The following DNAH17 variants were observed in gnomAD, a reference collection of about 807,000 sequenced individuals.
DNAH17 encodes dynein axonemal heavy chain 17.
DNAH17 carries 376 observed loss-of-function variants against 485.6 expected under a neutral mutation model. The ratio of observed to expected loss-of-function variants is 0.77; its 90% CI spans 0.71 to 0.84. DNAH17 has a LOEUF of 0.84. Among genes scored for constraint, DNAH17 ranks in the 40% least tolerant of loss-of-function variants. The probability of loss-of-function intolerance (pLI) is 0.00; values close to 1 mark genes in which losing one functional copy is unlikely to be tolerated. For synonymous variants in DNAH17, 3,031 were observed against 2,405.9 expected (o/e 1.26, Z -7.60); for missense variants, 6,370 against 5,839.3 (o/e 1.09, Z -2.96).
At chr17:78,451,439 C>A in intron 66 of DNAH17, 30 bp downstream of exon 66, 1 of 1,584,422 alleles carries the variant, frequency 6.3e-7, no homozygotes, top group South Asian at 1.2e-5. Flanking sequence ...ACGGCACCTC[C>A]TCCCGTGTGA....
At chr17:78,535,266 C>G (rs530883770) in intron 19 of DNAH17, among the ~76,000 whole-genome samples, 1 of 152,326 alleles carries the variant, frequency 6.6e-6, no homozygotes, top group South Asian at 2.1e-4. Flanking sequence ...AACCTAGCGT[C>G]TGCATAACTG....
In DNAH17 at chr17:78,466,748, G is replaced by A; in HGVS notation, c.8847C>T (p.Val2949=). The A allele has an allele frequency of 1.2e-6, 2 of 1,612,512 alleles. No homozygotes were observed. Among genetic ancestry groups the A allele is most frequent in the Non-Finnish European group, 1.7e-6 (2 of 1,179,396 alleles). ...GGAACCAGTCGATGGCCGTGCAGTTGACCACAGCTGGGAACTTTCTGGCTC... is the reference window on the plus strand; with the variant it reads ...GGAACCAGTCGATGGCCGTGCAGTTAACCACAGCTGGGAACTTTCTGGCTC... The part of the protein sequence containing the change: ...RVRARKFPAV[V]NCTAIDWFHE... The change falls in exon 56 of 81, where the codon GTC becomes GTT. Residue 2949 remains valine, a synonymous_variant. Coordinates refer to ENST00000389840, the MANE Select transcript of DNAH17 (RefSeq NM_173628.4).
intron 25 of DNAH17, among the ~76,000 whole-genome samples, chr17:78,523,814 CAGG>C (rs2090994907): frequency 6.6e-6 from 1 of 152,246 alleles, no homozygotes; most frequent in Non-Finnish European, 1.5e-5. Context: ...GGCTGAGAGG[CAGG>C]AGGATTGCTC....
chr17:78,521,197 T>C (rs1364105558), intron 25 of DNAH17, among the ~76,000 whole-genome samples: 2 of 152,044 alleles, frequency 1.3e-5, no homozygotes, highest in African/African-American at 4.8e-5. Flanking sequence ...CTTGAGGTCA[T>C]GAGTTCAAGA....
chr17:78,539,055 C>A (rs868375735), intron 18 of DNAH17, among the ~76,000 whole-genome samples: 4 of 151,954 alleles, frequency 2.6e-5, no homozygotes, highest in African/African-American at 9.7e-5. Flanking sequence ...AGATGGTGAA[C>A]CCTTGCCTCT....
chr17:78,494,468 G>A lies in DNAH17; in HGVS notation c.6270+125C>T, dbSNP rs1476670086. On this transcript the variant is annotated intron_variant, in intron 40 of 80. Transcript: ENST00000389840. Reference sequence around the variant, plus strand: ...GCCACGGAGGCAGCTGTGGCTCAGAGGTCTCTTTGTAGCATCGGGAAACGT... The same window carrying A: ...GCCACGGAGGCAGCTGTGGCTCAGAAGTCTCTTTGTAGCATCGGGAAACGT... 17 of 1,145,662 alleles carry A rather than the reference G, an allele frequency of 1.5e-5. No individual in the cohort carries two copies. The Admixed American group carries it at 3.9e-4, about 26-fold the overall frequency. The allele number at this position is 1,145,662 out of a possible 1,614,324, so 71.0% of individuals were successfully genotyped here. A position where few individuals can be genotyped will look rare whatever the true frequency, so the allele number is the denominator to read the frequency against.
chr17:78,565,208 T>TG (rs1755724999), intron 11 of DNAH17, among the ~76,000 whole-genome samples: 2 of 152,338 alleles, frequency 1.3e-5, no homozygotes, highest in African/African-American at 4.8e-5. Flanking sequence ...CTGTATCTAT[T>TG]GAGATGGTAT....
Position 78,526,712 on chromosome 17 carries a change from C to G in DNAH17, c.3650G>C (p.Arg1217Thr), listed in dbSNP as rs146570590. 9.9e-5 allele frequency: 159 copies of G among 1,610,696 alleles called. No homozygotes were observed. The African/African-American group carries it at 1.5e-3, about 15-fold the overall frequency. ...FELKQHEFRE[R>T]FRREAPFSFS... ...GGAGAACGGGGCCTCGCGCCTGAAC[C>G]TCTCCCTGAACTCATGTTGCTTGAG... Residue 1217 changes from arginine (R) to threonine (T), a missense_variant, in exon 24 of 81, where the codon AGG becomes ACG. Physicochemically the swap from Arg to Thr is moderately conservative, Grantham distance 71. Coordinates refer to ENST00000389840, the MANE Select transcript of DNAH17 (RefSeq NM_173628.4).
chr17:78,440,966 T>A (rs2087051661), intron 72 of DNAH17, 85 bp downstream of exon 72: 7 of 1,500,066 alleles, frequency 4.7e-6, no homozygotes, highest in Admixed American at 2.0e-5. Context: ...TGGTGTCTCA[T>A]GTGCTTTTGG....
chr17:78,486,368 G>C lies in DNAH17; in HGVS notation c.6957C>G (p.Ile2319Met), dbSNP rs761415811. ...GGTACAGAATCGTTTGGATCACCGT[G>C]ATCTCCGGCACTGGCGTGATCTTCT... is the stretch of plus-strand genomic sequence containing the variant. ...GFKKITPVPE[I>M]TVIQTILYLL... The change falls in exon 45 of 81, where the codon ATC becomes ATG. Residue 2319 changes from isoleucine to methionine, a missense_variant. By Grantham distance (10) the Ile-to-Met change is conservative. Transcript: ENST00000389840. The C allele has an allele frequency of 1.5e-5, 25 of 1,613,896 alleles. No individual in the cohort carries two copies. Among genetic ancestry groups the C allele is most frequent in the South Asian group, 6.6e-5 (6 of 91,082 alleles).
chr17:78,432,944 T>C (rs691362), intron 75 of DNAH17, among the ~76,000 whole-genome samples: 24,131 of 112,650 alleles, frequency 0.21, 2,161 homozygotes, highest in Middle Eastern at 0.33. Flanking sequence ...TTTCTCACCA[T>C]GTCACATCCA....
Position 78,425,386 on chromosome 17 carries a change from A to G in DNAH17, c.13101T>C (p.Pro4367=), listed in dbSNP as rs36119275. 265,023 of 1,613,646 alleles carry G rather than the reference A, an allele frequency of 0.16. 23,050 individuals are homozygous for G. Among genetic ancestry groups the G allele is most frequent in the African/African-American group, 0.23 (17,383 of 74,914 alleles). ...TKKNREDMTA[P]PREGSYVYGL... The stretch of plus-strand genomic sequence containing the variant: ...CGTACACGTAGGAGCCCTCTCGCGG[A>G]GGAGCGGTCATGTCCTCTCGGTTTT... The change falls in exon 80 of 81, where the codon CCT becomes CCC. Residue 4367 remains proline, a synonymous_variant. Coordinates refer to ENST00000389840, the MANE Select transcript of DNAH17 (RefSeq NM_173628.4).
chr17:78,504,100 CTA>C (rs2090402480), intron 31 of DNAH17, among the ~76,000 whole-genome samples: 4 of 151,340 alleles, frequency 2.6e-5, no homozygotes, highest in Admixed American at 2.6e-4. Context: ...AAGTCTCACT[CTA>C]TTACCCAGAC....
At chr17:78,532,777 G>A (rs368903921) in intron 19 of DNAH17, 41 bp from the exon 20 acceptor site, 3 of 1,535,876 alleles carry the variant, frequency 2.0e-6, no homozygotes, top group African/African-American at 1.4e-5. Context: ...GAGGTATGTT[G>A]CCTGGTTCAT....
At chr17:78,502,842 T>G in intron 32 of DNAH17, 44 bp downstream of exon 32, 1 of 1,603,582 alleles carries the variant, frequency 6.2e-7, no homozygotes, top group Non-Finnish European at 8.5e-7. Context: ...ACTCGCCCCT[T>G]ATCTCAGCCA....
rs2091932638 is a variant in DNAH17 at position 78,552,786 on chromosome 17, G to A, written c.2198C>T (p.Ala733Val). ...TGACTTTATTAGTAGAAATTCTACT[G>A]CCTTCACTATAGTCTTTATCTGAAA... ...WYNEIKTIVKAVEFLLIKSEL... is the reference protein window; with the variant it reads ...WYNEIKTIVKVVEFLLIKSEL... Residue 733 changes from alanine (A) to valine (V), a missense_variant, in exon 15 of 81, where the codon GCA becomes GTA. Transcript: ENST00000389840. 1.2e-6 allele frequency: 2 copies of A among 1,610,190 alleles called. No individual in the cohort carries two copies. The highest frequency in any genetic ancestry group is 1.3e-5 in the African/African-American group (1 of 74,962).
At chr17:78,501,997 C>T (rs1432606180) in intron 33 of DNAH17, 124 bp from the exon 34 acceptor site, 2 of 1,409,568 alleles carry the variant, frequency 1.4e-6, no homozygotes, top group Non-Finnish European at 1.9e-6. Context: ...TAATGAAAAA[C>T]AAGAGCGCCC....
Position 78,466,936 on chromosome 17 carries a change from G to T in DNAH17, c.8779-120C>A, listed in dbSNP as rs2088497262. 8.5e-6 allele frequency: 9 copies of T among 1,062,038 alleles called. No individual in the cohort carries two copies. The East Asian group carries it at 1.2e-4, about 14-fold the overall frequency. The allele number at this position is 1,062,038 out of a possible 1,614,324, so 65.8% of individuals were successfully genotyped here. A position where few individuals can be genotyped will look rare whatever the true frequency, so the allele number is the denominator to read the frequency against. Reference sequence around the variant, plus strand: ...GCCCTGCCGGGCTCAGCCGCCCAGGGCCTGGGCAGCACAGTCCTGGTTCTG... The same window carrying T: ...GCCCTGCCGGGCTCAGCCGCCCAGGTCCTGGGCAGCACAGTCCTGGTTCTG... On this transcript the variant is annotated intron_variant, in intron 55 of 80. Coordinates refer to ENST00000389840, the MANE Select transcript of DNAH17 (RefSeq NM_173628.4).
chr17:78,550,095 G>T (rs1162242068), intron 16 of DNAH17, among the ~76,000 whole-genome samples: 1 of 152,224 alleles, frequency 6.6e-6, no homozygotes, highest in Non-Finnish European at 1.5e-5. Context: ...TGGCCTGTGT[G>T]CCAGAGCAGA....
Sources: allele counts gnomAD v4.1 joint callset (sites outside exome capture counted in the v4.1 genomes callset), GRCh38; gene constraint gnomAD v4.1.1; transcripts MANE v1.5; gene names NCBI Gene and HGNC (gene_info 2026-07-23, HGNC 2026-07-21).